Variants in TRAPPC9 observed in about 807,000 individuals in gnomAD.
TRAPPC9 encodes IKK2 binding protein.
In TRAPPC9, 83 loss-of-function variants were observed where a neutral mutation model predicts 124.0. The observed-to-expected ratio is 0.67, with a 90% CI of 0.56 to 0.80. The LOEUF (loss-of-function observed/expected upper bound fraction) is 0.80, where lower values mean the gene tolerates loss of function less well. Among genes scored for constraint, TRAPPC9 ranks in the 30% least tolerant of loss-of-function variants. TRAPPC9 has a pLI of 0.00. For missense variants in TRAPPC9, 1,302 were observed against 1,508.3 expected (o/e 0.86, Z 2.27); for synonymous variants, 638 against 617.5 (o/e 1.03, Z -0.49).
chr8:139,847,383 A>T (rs1279635470), intron 21 of TRAPPC9, among the ~76,000 whole-genome samples: 1 of 152,262 alleles, frequency 6.6e-6, no homozygotes, highest in Non-Finnish European at 1.5e-5. Context: ...AGAAGGAAAG[A>T]CACGTGCAAG....
chr8:139,792,199 G>C (rs1822739283), intron 21 of TRAPPC9, among the ~76,000 whole-genome samples: 1 of 152,192 alleles, frequency 6.6e-6, no homozygotes, highest in Non-Finnish European at 1.5e-5. Flanking sequence ...CACTCAGACA[G>C]CAGGTTTAGT....
At chr8:140,443,187 G>C (rs1342327370) in intron 2 of TRAPPC9, among the ~76,000 whole-genome samples, 1 of 131,992 alleles carries the variant, frequency 7.6e-6, no homozygotes, top group Non-Finnish European at 1.6e-5. Context: ...TGTAATCCCA[G>C]CACTTTGGGA....
intron 6 of TRAPPC9, among the ~76,000 whole-genome samples, chr8:140,400,416 C>T (rs1358244636): frequency 1.3e-5 from 2 of 152,118 alleles, no homozygotes; most frequent in Non-Finnish European, 2.9e-5. Flanking sequence ...GCTTATCATC[C>T]CTTGTAGTAC....
intron 4 of TRAPPC9, among the ~76,000 whole-genome samples, chr8:140,431,844 G>A (rs1246431371): frequency 1.3e-5 from 2 of 152,164 alleles, no homozygotes; most frequent in South Asian, 2.1e-4. Context: ...AATACTCAGG[G>A]AGTTCCAGAT....
chr8:140,249,635 G>C (rs560352123), intron 16 of TRAPPC9, among the ~76,000 whole-genome samples: 1 of 113,800 alleles, frequency 8.8e-6, no homozygotes, highest in Non-Finnish European at 1.6e-5. Flanking sequence ...ATGGAGTCTC[G>C]CTCTGTCACC....
At chr8:139,947,912 AGAGAGAGAGAGC>A (rs1455032384) in intron 19 of TRAPPC9, among the ~76,000 whole-genome samples, 1 of 58,398 alleles carries the variant, frequency 1.7e-5, no homozygotes, top group African/African-American at 7.1e-5. Flanking sequence ...ATATATAGAG[AGAGAGAGAGAGC>A]GAGAGAGAGA....
chr8:140,075,815 C>T (rs1174362753), intron 17 of TRAPPC9, among the ~76,000 whole-genome samples: 6 of 152,188 alleles, frequency 3.9e-5, no homozygotes, highest in Admixed American at 3.9e-4. Flanking sequence ...ACATTTTCAC[C>T]TTCAGCTGCA....
At chr8:140,289,485 G>A (rs781425676) in intron 12 of TRAPPC9, among the ~76,000 whole-genome samples, 1 of 152,148 alleles carries the variant, frequency 6.6e-6, no homozygotes, top group Non-Finnish European at 1.5e-5. Context: ...TGTGAATGGT[G>A]GAGATGCGAG....
chr8:140,270,478 C>T (rs775709660), intron 15 of TRAPPC9, among the ~76,000 whole-genome samples: 28 of 152,186 alleles, frequency 1.8e-4, no homozygotes, highest in Non-Finnish European at 2.6e-4. Flanking sequence ...ATGTGCCAGG[C>T]CCTGGAAATA....
chr8:139,811,977 T>C (rs866949046), intron 21 of TRAPPC9, among the ~76,000 whole-genome samples: 3 of 152,156 alleles, frequency 2.0e-5, no homozygotes, highest in African/African-American at 4.8e-5. Flanking sequence ...AGAGGCTTGC[T>C]GGGGACAGTG....
chr8:140,171,011 C>T (rs1236596660), intron 17 of TRAPPC9, among the ~76,000 whole-genome samples: 1 of 152,240 alleles, frequency 6.6e-6, no homozygotes, highest in Non-Finnish European at 1.5e-5. Flanking sequence ...TGGCCAGCCA[C>T]ATTCCTGCCA....
At chr8:140,292,400 A>G (rs1455088737) in intron 11 of TRAPPC9, among the ~76,000 whole-genome samples, 3 of 152,196 alleles carry the variant, frequency 2.0e-5, no homozygotes, top group Non-Finnish European at 4.4e-5. Flanking sequence ...ACTCAGAGGC[A>G]CCCCGAGCAG....
chr8:140,033,657 GGTTTTTTTTTTTT>G (rs1840647958), intron 17 of TRAPPC9, among the ~76,000 whole-genome samples: 27 of 49,304 alleles, frequency 5.5e-4, no homozygotes, highest in African/African-American at 9.7e-4. Context: ...TTCATAATGT[GGTTTTTTTTTTTT>G]TTTTTTTTTT....
At chr8:140,196,500 G>A (rs1486540187) in intron 17 of TRAPPC9, among the ~76,000 whole-genome samples, 1 of 28,888 alleles carries the variant, frequency 3.5e-5, no homozygotes, top group Non-Finnish European at 5.9e-5. Flanking sequence ...CACACTCAAC[G>A]ATCCACCATA....
intron 18 of TRAPPC9, among the ~76,000 whole-genome samples, chr8:140,023,171 C>A (rs1315290162): frequency 6.6e-6 from 1 of 152,150 alleles, no homozygotes; most frequent in Admixed American, 6.5e-5. Context: ...GTGAAGAGCA[C>A]CTGCTTCCCG....
intron 17 of TRAPPC9, among the ~76,000 whole-genome samples, chr8:140,070,814 G>A (rs1843120473): frequency 6.6e-6 from 1 of 152,216 alleles, no homozygotes; most frequent in African/African-American, 2.4e-5. Context: ...ACTTCCAGGA[G>A]GGCTGGAGAC....
chr8:140,152,527 AT>A (rs1387242673), intron 17 of TRAPPC9, among the ~76,000 whole-genome samples: 1 of 150,554 alleles, frequency 6.6e-6, no homozygotes, highest in Non-Finnish European at 1.5e-5. Flanking sequence ...CGCCTGGCTA[AT>A]TTTTTGTATT....
intron 19 of TRAPPC9, among the ~76,000 whole-genome samples, chr8:139,963,749 CAAAAAAAA>C (rs58224556): frequency 0.12 from 12,668 of 106,890 alleles, 435 homozygotes; most frequent in African/African-American, 0.24. Flanking sequence ...CCAGTTCTAC[CAAAAAAAA>C]AAAAAAAAAA....
chr8:139,905,476 G>A (rs2094481386), intron 20 of TRAPPC9, among the ~76,000 whole-genome samples: 1 of 152,200 alleles, frequency 6.6e-6, no homozygotes, highest in South Asian at 2.1e-4. Flanking sequence ...TGTGCCACAG[G>A]AGCAGGGACT....
Sources: gnomAD v4.1 joint callset for allele counts (sites outside exome capture counted in the v4.1 genomes callset) on GRCh38, gnomAD v4.1.1 for gene constraint, MANE v1.5 for transcripts, NCBI Gene and HGNC (gene_info 2026-07-23, HGNC 2026-07-21) for gene names.